Variants in TBC1D22A observed in about 807,000 individuals in gnomAD.
The protein encoded by TBC1D22A is TBC1 domain family member 22A, also known as putative GTPase activator.
A neutral mutation model predicts 60.2 loss-of-function variants in TBC1D22A; 38 were observed. The observed-to-expected ratio is 0.63, with a 90% CI of 0.49 to 0.83. TBC1D22A has a LOEUF of 0.83. Among genes scored for constraint, TBC1D22A ranks in the 40% least tolerant of loss-of-function variants. The pLI, the probability that TBC1D22A is intolerant of heterozygous loss-of-function variation, is 0.00. For missense variants in TBC1D22A, 628 were observed against 701.0 expected, an observed-to-expected ratio of 0.90 and a Z score of 1.18; for synonymous variants, 302 against 281.7, an observed-to-expected ratio of 1.07 and a Z score of -0.72.
intron 12 of TBC1D22A, among the ~76,000 whole-genome samples, chr22:47,162,715 G>C (rs1230923851): frequency 4.8e-5 from 6 of 124,156 alleles, no homozygotes; most frequent in African/African-American, 1.9e-4. Context: ...GGTGCAGGGA[G>C]AGTCGTGGGA....
At chr22:47,152,750 C>T (rs1408131161) in intron 12 of TBC1D22A, among the ~76,000 whole-genome samples, 1 of 152,180 alleles carries the variant, frequency 6.6e-6, no homozygotes, top group African/African-American at 2.4e-5. Flanking sequence ...CAGGCCCGGG[C>T]ACGGGGCCTC....
At chr22:47,045,897 C>T (rs900520439) in intron 11 of TBC1D22A, among the ~76,000 whole-genome samples, 4 of 152,168 alleles carry the variant, frequency 2.6e-5, no homozygotes, top group African/African-American at 7.2e-5. Context: ...TCCACGTCCT[C>T]CCCACACCTG....
intron 10 of TBC1D22A, among the ~76,000 whole-genome samples, chr22:47,015,327 C>T (rs549552200): frequency 2.1e-4 from 32 of 152,302 alleles, no homozygotes; most frequent in South Asian, 6.2e-4. Flanking sequence ...CTGGGGAGGG[C>T]GGCTCGCTTT....
intron 1 of TBC1D22A, among the ~76,000 whole-genome samples, chr22:46,791,582 C>T (rs945598632): frequency 2.0e-5 from 3 of 150,916 alleles, no homozygotes; most frequent in East Asian, 1.9e-4. Flanking sequence ...TATTTCTTGC[C>T]GGCTATGAAA....
At chr22:47,000,399 A>C (rs1371892052) in intron 10 of TBC1D22A, among the ~76,000 whole-genome samples, 1 of 152,294 alleles carries the variant, frequency 6.6e-6, no homozygotes, top group East Asian at 1.9e-4. Flanking sequence ...TCTCAAAAGC[A>C]CTTCTGAGTA....
At chr22:47,033,857 G>A (rs563294233) in intron 10 of TBC1D22A, among the ~76,000 whole-genome samples, 7 of 152,126 alleles carry the variant, frequency 4.6e-5, no homozygotes, top group Non-Finnish European at 8.8e-5. Flanking sequence ...TGAAGGCCGA[G>A]GAGGGAGTGG....
intron 11 of TBC1D22A, among the ~76,000 whole-genome samples, chr22:47,090,765 C>T (rs1193801951): frequency 5.6e-5 from 8 of 143,554 alleles, no homozygotes; most frequent in African/African-American, 1.8e-4. Flanking sequence ...TTGATAGAGA[C>T]GGGCACGAGA....
intron 4 of TBC1D22A, among the ~76,000 whole-genome samples, chr22:46,866,363 C>G (rs887411572): frequency 6.6e-6 from 1 of 152,134 alleles, no homozygotes; most frequent in African/African-American, 2.4e-5. Flanking sequence ...CCGCAGCCTC[C>G]CAAAGTGCTG....
At chr22:47,170,455 T>C (rs753330358) in intron 12 of TBC1D22A, among the ~76,000 whole-genome samples, 5 of 152,220 alleles carry the variant, frequency 3.3e-5, no homozygotes, top group Non-Finnish European at 7.4e-5. Flanking sequence ...AGATTGATGT[T>C]GATATGTCCC....
chr22:47,116,862 C>G (rs959089554), intron 12 of TBC1D22A: 7 of 152,502 alleles, frequency 4.6e-5, no homozygotes, highest in African/African-American at 1.7e-4. Flanking sequence ...ACAGCCTCAG[C>G]TGGTCTGTTC....
chr22:46,893,117 G>A lies in TBC1D22A; in HGVS notation c.838-1667G>A, dbSNP rs544150086. Among the ~76,000 whole-genome samples the A allele has an allele frequency of 2.2e-4, 34 of 152,360 alleles. No individual in the cohort carries two copies. In the East Asian group the frequency reaches 6.6e-3, roughly 29 times the overall value. On this transcript the variant is annotated intron_variant, in intron 6 of 12. Coordinates refer to ENST00000337137, the MANE Select transcript of TBC1D22A (RefSeq NM_014346.5). ...TGGGCAATGCCACCCCTGCACACTG[G>A]TGGAGGCAGCAGGAGTGGGGTGGCC...
intron 1 of TBC1D22A, among the ~76,000 whole-genome samples, chr22:46,786,520 C>T (rs1365888168): frequency 1.3e-5 from 2 of 152,104 alleles, no homozygotes; most frequent in Non-Finnish European, 2.9e-5. Flanking sequence ...GTACTTGCCT[C>T]ATAGAATGAG....
intron 12 of TBC1D22A, among the ~76,000 whole-genome samples, chr22:47,117,863 C>G (rs2066126656): frequency 6.6e-6 from 1 of 152,206 alleles, no homozygotes; most frequent in South Asian, 2.1e-4. Flanking sequence ...TGGCTCTTGC[C>G]TGTAATCCCA....
intron 10 of TBC1D22A, among the ~76,000 whole-genome samples, chr22:47,017,734 AAAG>A (rs1285131536): frequency 2.0e-5 from 3 of 152,214 alleles, no homozygotes; most frequent in African/African-American, 7.2e-5. Context: ...AGAAAAGTGA[AAAG>A]AACTCATTTC....
chr22:46,828,479 G>A (rs1025964066), intron 4 of TBC1D22A, among the ~76,000 whole-genome samples: 4 of 152,198 alleles, frequency 2.6e-5, no homozygotes, highest in Admixed American at 6.5e-5. Context: ...CCACTCCCAC[G>A]GCCTGTCCTG....
chr22:47,085,528 T>C (rs556071474), intron 11 of TBC1D22A, among the ~76,000 whole-genome samples: 1 of 152,100 alleles, frequency 6.6e-6, no homozygotes, highest in Non-Finnish European at 1.5e-5. Flanking sequence ...TGGGCAGAGC[T>C]CTCCCAATCA....
At chr22:46,943,102 G>A (rs1266490657) in intron 8 of TBC1D22A, among the ~76,000 whole-genome samples, 2 of 152,156 alleles carry the variant, frequency 1.3e-5, no homozygotes, top group African/African-American at 2.4e-5. Context: ...CAGTGCAAAA[G>A]AATTATGAAG....
At chr22:46,905,633 G>A (rs759284980) in intron 7 of TBC1D22A, among the ~76,000 whole-genome samples, 2 of 152,236 alleles carry the variant, frequency 1.3e-5, no homozygotes, top group Non-Finnish European at 2.9e-5. Flanking sequence ...ACTGAGCTGA[G>A]TGGGTCTCTC....
At chr22:46,848,172 A>G (rs1230408758) in intron 4 of TBC1D22A, among the ~76,000 whole-genome samples, 3 of 152,214 alleles carry the variant, frequency 2.0e-5, no homozygotes, top group Admixed American at 6.5e-5. Flanking sequence ...TAATTTTTAT[A>G]TACTTCTGCC....
Sources: gnomAD v4.1 joint callset for allele counts (sites outside exome capture counted in the v4.1 genomes callset) on GRCh38, gnomAD v4.1.1 for gene constraint, MANE v1.5 for transcripts, NCBI Gene and HGNC (gene_info 2026-07-23, HGNC 2026-07-21) for gene names.